The following IPO11 variants were observed in gnomAD, a reference collection of about 807,000 sequenced individuals.
IPO11 encodes importin 11.
In IPO11, 66 loss-of-function variants were observed where a neutral mutation model predicts 143.2. The ratio of observed to expected loss-of-function variants is 0.46; its 90% CI spans 0.38 to 0.57. The LOEUF (loss-of-function observed/expected upper bound fraction) is 0.57. IPO11 is among the 20% of genes least tolerant of loss of function. IPO11 has a pLI of 0.00. For missense variants in IPO11, 1,026 were observed against 1,141.0 expected (o/e 0.90, Z 1.45); for synonymous variants, 385 against 377.8 (o/e 1.02, Z -0.22).
At chr5:62,500,311 C>T (rs185370124) in intron 16 of IPO11, among the ~76,000 whole-genome samples, 1 of 152,206 alleles carries the variant, frequency 6.6e-6, no homozygotes, top group African/African-American at 2.4e-5. Context: ...AAAATGCCTT[C>T]TCCTGTCATA....
At chr5:62,543,368 T>A (rs1743031893) in intron 24 of IPO11, among the ~76,000 whole-genome samples, 1 of 152,184 alleles carries the variant, frequency 6.6e-6, no homozygotes, top group South Asian at 2.1e-4. Flanking sequence ...TCAGAGCCTG[T>A]TATTGGTCTA....
At chr5:62,513,608 G>A (rs1287679055) in intron 19 of IPO11, among the ~76,000 whole-genome samples, 1 of 145,462 alleles carries the variant, frequency 6.9e-6, no homozygotes, top group Non-Finnish European at 1.5e-5. Context: ...CTGGGCAGAG[G>A]GACTCCTCAC....
chr5:62,581,911 C>T (rs1007910425), intron 27 of IPO11, among the ~76,000 whole-genome samples: 4 of 152,000 alleles, frequency 2.6e-5, no homozygotes, highest in African/African-American at 9.7e-5. Context: ...AACTGGATCA[C>T]GAAGAATAAA....
intron 21 of IPO11, among the ~76,000 whole-genome samples, chr5:62,529,401 A>G (rs1742469978): frequency 6.6e-6 from 1 of 152,108 alleles, no homozygotes; most frequent in African/African-American, 2.4e-5. Flanking sequence ...AAGAAACTTG[A>G]TTTCCTAGGA....
intron 3 of IPO11, 58 bp from the exon 4 acceptor site, chr5:62,449,869 C>T (rs1187288674): frequency 1.8e-5 from 20 of 1,094,476 alleles, no homozygotes; most frequent in East Asian, 2.5e-5. Flanking sequence ...TAATGCTTAC[C>T]TACATTTATT....
At chr5:62,492,734 T>C (rs947723574) in intron 15 of IPO11, among the ~76,000 whole-genome samples, 3 of 151,962 alleles carry the variant, frequency 2.0e-5, no homozygotes, top group Non-Finnish European at 4.4e-5. Context: ...GGTAGGGTTT[T>C]ATCATATTGG....
intron 29 of IPO11, among the ~76,000 whole-genome samples, chr5:62,606,111 T>C (rs1745705295): frequency 1.3e-5 from 2 of 152,100 alleles, no homozygotes. Flanking sequence ...ACATGGTGTT[T>C]TAAAATATGT....
chr5:62,420,970 G>C (rs527560998), intron 1 of IPO11, among the ~76,000 whole-genome samples: 3 of 152,184 alleles, frequency 2.0e-5, no homozygotes, highest in Non-Finnish European at 2.9e-5. Flanking sequence ...CTCCAAAGTT[G>C]TATTAATAGA....
At chr5:62,494,288 A>G (rs1023313129) in intron 16 of IPO11, among the ~76,000 whole-genome samples, 164 bp downstream of exon 16, 1 of 152,020 alleles carries the variant, frequency 6.6e-6, no homozygotes, top group Non-Finnish European at 1.5e-5. Flanking sequence ...AAATCTTTTG[A>G]TTCTTGTTTG....
At chr5:62,571,423 C>T (rs527972237) in intron 27 of IPO11, among the ~76,000 whole-genome samples, 73 of 152,226 alleles carry the variant, frequency 4.8e-4, no homozygotes, top group Admixed American at 3.1e-3. Context: ...ATATATGATG[C>T]CTTCTAAAAT....
At chr5:62,555,298 T>G (rs1743534759) in intron 26 of IPO11, among the ~76,000 whole-genome samples, 1 of 151,586 alleles carries the variant, frequency 6.6e-6, no homozygotes, top group Non-Finnish European at 1.5e-5. Context: ...TGTTTTTAAA[T>G]TTTAAAAATT....
intron 29 of IPO11, among the ~76,000 whole-genome samples, chr5:62,602,267 C>T (rs1745534197): frequency 6.6e-6 from 1 of 151,916 alleles, no homozygotes; most frequent in Admixed American, 6.6e-5. Context: ...TTAAGTTAAC[C>T]ACTAACTTGT....
intron 5 of IPO11, among the ~76,000 whole-genome samples, chr5:62,457,089 G>A (rs1373330719): frequency 1.3e-5 from 2 of 152,034 alleles, no homozygotes; most frequent in Admixed American, 6.6e-5. Flanking sequence ...CTGGGGTGGG[G>A]GGGAAAATAT....
At chr5:62,612,006 C>T (rs1745941934) in intron 29 of IPO11, among the ~76,000 whole-genome samples, 1 of 152,082 alleles carries the variant, frequency 6.6e-6, no homozygotes, top group Admixed American at 6.5e-5. Flanking sequence ...ATACTAAAAA[C>T]CACAAAATGA....
intron 27 of IPO11, chr5:62,580,798 T>C: frequency 6.4e-7 from 1 of 1,551,412 alleles, no homozygotes; most frequent in South Asian, 1.2e-5. Flanking sequence ...GAACATTACT[T>C]TCTGGGAACG....
intron 1 of IPO11, among the ~76,000 whole-genome samples, chr5:62,416,167 CTTTTTTTTTCTTTTCTTTTTT>C (rs1203343426): frequency 1.4e-5 from 2 of 144,124 alleles, no homozygotes; most frequent in African/African-American, 2.5e-5. Flanking sequence ...TTTCTGTTTT[CTTTTTTTTTCTTTTCTTTTTT>C]TTTTTTTTTT....
At chr5:62,537,350 G>T in intron 24 of IPO11, 61 bp downstream of exon 24, 4 of 1,116,312 alleles carry the variant, frequency 3.6e-6, no homozygotes, top group Non-Finnish European at 5.4e-6. Flanking sequence ...TTATGAAATT[G>T]GACTTTCATT....
chr5:62,570,362 C>T (rs1561367284), intron 27 of IPO11, among the ~76,000 whole-genome samples: 1 of 152,096 alleles, frequency 6.6e-6, no homozygotes, highest in African/African-American at 2.4e-5. Flanking sequence ...TTTCTATCTT[C>T]CTATGTTAGG....
intron 1 of IPO11, among the ~76,000 whole-genome samples, chr5:62,413,760 G>A (rs901765497): frequency 1.3e-5 from 2 of 152,156 alleles, no homozygotes; most frequent in Admixed American, 6.5e-5. Context: ...TAGCCATAAT[G>A]CTTTTCCCCC....
Sources: allele counts gnomAD v4.1 joint callset (sites outside exome capture counted in the v4.1 genomes callset), GRCh38; gene constraint gnomAD v4.1.1; transcripts MANE v1.5; gene names NCBI Gene and HGNC (gene_info 2026-07-23, HGNC 2026-07-21).